Variants in VPS13B observed in about 807,000 individuals in gnomAD.
VPS13B encodes the protein vacuolar protein sorting 13 homolog B, also known as intermembrane lipid transfer protein VPS13B.
VPS13B carries 285 observed loss-of-function variants against 426.4 expected under a neutral mutation model. The ratio of observed to expected loss-of-function variants is 0.67; its 90% CI spans 0.61 to 0.74. VPS13B has a LOEUF of 0.74. VPS13B is among the 30% of genes least tolerant of loss of function. The probability of loss-of-function intolerance (pLI) is 0.00; values close to 1 mark genes in which losing one functional copy is unlikely to be tolerated. For synonymous variants in VPS13B, 1,676 were observed against 1,676.4 expected (o/e 1.00, Z 0.01); for missense variants, 4,537 against 4,782.6 (o/e 0.95, Z 1.51).
intron 19 of VPS13B, among the ~76,000 whole-genome samples, chr8:99,335,288 T>G (rs982652576): frequency 6.6e-6 from 1 of 152,214 alleles, no homozygotes; most frequent in Non-Finnish European, 1.5e-5. Flanking sequence ...ATCGATTTTG[T>G]TGATCCTATC....
At chr8:99,516,297 TG>T (rs1822065721) in intron 29 of VPS13B, among the ~76,000 whole-genome samples, 1 of 152,104 alleles carries the variant, frequency 6.6e-6, no homozygotes, top group South Asian at 2.1e-4. Context: ...ATATTTTATA[TG>T]GGAGATTGGA....
At chr8:99,837,532 A>G (rs1234124150) in intron 54 of VPS13B, among the ~76,000 whole-genome samples, 5 of 152,120 alleles carry the variant, frequency 3.3e-5, no homozygotes, top group African/African-American at 1.2e-4. Context: ...ATTCCCATTC[A>G]CTCTAAATTT....
At chr8:99,363,660 T>C (rs1302682042) in intron 19 of VPS13B, among the ~76,000 whole-genome samples, 1 of 152,206 alleles carries the variant, frequency 6.6e-6, no homozygotes, top group Non-Finnish European at 1.5e-5. Flanking sequence ...CAATGTTTTA[T>C]AGTTTTCGTT....
At chr8:99,192,716 TA>T (rs1813670259) in intron 16 of VPS13B, among the ~76,000 whole-genome samples, 159 bp from the exon 17 acceptor site, 1 of 152,190 alleles carries the variant, frequency 6.6e-6, no homozygotes, top group African/African-American at 2.4e-5. Flanking sequence ...TAGTGGAACT[TA>T]AAGTTAGCAG....
Position 99,349,052 on chromosome 8 carries a change from G to A in VPS13B, c.2825-35156G>A, listed in dbSNP as rs187714682. Among the ~76,000 whole-genome samples, 959 of 151,732 alleles carry A rather than the reference G, an allele frequency of 6.3e-3. 8 individuals are homozygous for A. Among genetic ancestry groups the A allele is most frequent in the African/African-American group, 0.022 (895 of 41,430 alleles). ...GATATTTTTTATATTTGAAAATAGCGGCCGGGCGCGGTGGCTCACGCCTGT... is the reference window on the plus strand; with the variant it reads ...GATATTTTTTATATTTGAAAATAGCAGCCGGGCGCGGTGGCTCACGCCTGT... On this transcript the variant is annotated intron_variant, in intron 19 of 61. Transcript: ENST00000357162.
At chr8:99,114,832 C>G (rs977672819) in intron 6 of VPS13B, among the ~76,000 whole-genome samples, 5 of 152,066 alleles carry the variant, frequency 3.3e-5, no homozygotes, top group Non-Finnish European at 5.9e-5. Context: ...ATACATTAGT[C>G]AAAATAAACC....
At chr8:99,673,577 A>T (rs907385467) in intron 35 of VPS13B, among the ~76,000 whole-genome samples, 1 of 151,416 alleles carries the variant, frequency 6.6e-6, no homozygotes, top group Non-Finnish European at 1.5e-5. Context: ...CTTTTCTATT[A>T]TTTTTGTAGT....
intron 30 of VPS13B, among the ~76,000 whole-genome samples, chr8:99,537,080 C>CT (rs1201713021): frequency 7.2e-5 from 11 of 151,850 alleles, no homozygotes; most frequent in Non-Finnish European, 1.3e-4. Context: ...TTTTTTAATC[C>CT]TTTTTTTCAA....
intron 5 of VPS13B, among the ~76,000 whole-genome samples, chr8:99,107,244 A>T (rs1459620536): frequency 2.0e-5 from 3 of 152,202 alleles, no homozygotes; most frequent in Admixed American, 2.0e-4. Context: ...TATATTCTTG[A>T]TACTTAAAAT....
chr8:99,430,858 A>T (rs955262457), intron 21 of VPS13B, among the ~76,000 whole-genome samples: 3 of 152,062 alleles, frequency 2.0e-5, no homozygotes, highest in Admixed American at 6.6e-5. Context: ...AGCTGGGATT[A>T]CAGGTGCCTG....
intron 33 of VPS13B, among the ~76,000 whole-genome samples, chr8:99,617,772 T>G (rs1828159328): frequency 6.6e-6 from 1 of 152,224 alleles, no homozygotes; most frequent in African/African-American, 2.4e-5. Flanking sequence ...TCTAAACAAT[T>G]TTTCCACCCT....
chr8:99,628,106 C>T (rs151090810), intron 33 of VPS13B, among the ~76,000 whole-genome samples: 17 of 152,328 alleles, frequency 1.1e-4, no homozygotes, highest in African/African-American at 3.8e-4. Context: ...CATTTTAACT[C>T]CGTGTCGACT....
At chr8:99,061,540 C>T (rs1005900542) in intron 3 of VPS13B, among the ~76,000 whole-genome samples, 1 of 150,332 alleles carries the variant, frequency 6.7e-6, no homozygotes, top group Admixed American at 6.6e-5. Context: ...TTACTGGTCC[C>T]ATCTGATTTT....
At position 99,432,748 on chromosome 8, in the gene VPS13B, T is replaced by C. The variant is rs193136760; in HGVS notation, c.3210+1084T>C. 3.4e-3 allele frequency among the ~76,000 whole-genome samples: 511 copies of C among 152,292 alleles called. 17 individuals carry two copies. The highest frequency in any genetic ancestry group is 0.03 in the Admixed American group (457 of 15,292). ...GACCTAGATATGTATTTCTTAGCAA[T>C]GTAATATTGGAGAGTTTTTTCTTGT... On this transcript the variant is annotated intron_variant, in intron 22 of 61. Transcript: ENST00000357162.
chr8:99,169,972 GT>G, intron 15 of VPS13B, 66 bp from the exon 16 acceptor site: 1 of 1,584,702 alleles, frequency 6.3e-7, no homozygotes, highest in Non-Finnish European at 8.7e-7. Flanking sequence ...TGAAACTGAC[GT>G]ATTTCATCCT....
At chr8:99,603,754 A>G (rs1010217866) in intron 33 of VPS13B, among the ~76,000 whole-genome samples, 1 of 152,202 alleles carries the variant, frequency 6.6e-6, no homozygotes, top group African/African-American at 2.4e-5. Flanking sequence ...AAAACCATAG[A>G]AAGTAAAACC....
chr8:99,769,632 G>A (rs1412516117), intron 40 of VPS13B, among the ~76,000 whole-genome samples: 1 of 152,174 alleles, frequency 6.6e-6, no homozygotes, highest in Non-Finnish European at 1.5e-5. Flanking sequence ...TAATGTTCCT[G>A]TGGTAATGGC....
intron 5 of VPS13B, among the ~76,000 whole-genome samples, chr8:99,109,057 CTT>C (rs1847206027): frequency 6.6e-6 from 1 of 151,984 alleles, no homozygotes; most frequent in Non-Finnish European, 1.5e-5. Flanking sequence ...TTCCTAACCT[CTT>C]TTTAAAAATA....
intron 19 of VPS13B, among the ~76,000 whole-genome samples, chr8:99,376,988 TATTGA>T (rs1813525671): frequency 2.0e-5 from 3 of 152,092 alleles, no homozygotes; most frequent in Admixed American, 6.5e-5. Flanking sequence ...TATATGTAAG[TATTGA>T]ATTAAAATTA....
Sources: gnomAD v4.1 joint callset for allele counts (sites outside exome capture counted in the v4.1 genomes callset) on GRCh38, gnomAD v4.1.1 for gene constraint, MANE v1.5 for transcripts, NCBI Gene and HGNC (gene_info 2026-07-23, HGNC 2026-07-21) for gene names.